DMD: variants seen among roughly 807,000 people sequenced by gnomAD.
DMD encodes the protein dystrophin, also known as mutant dystrophin.
Under a neutral mutation model 330.1 loss-of-function variants are expected in DMD, and 63 were observed. The observed-to-expected ratio is 0.19, with a 90% CI of 0.16 to 0.24. DMD has a LOEUF of 0.24. Among genes scored for constraint, DMD ranks in the 10% least tolerant of loss-of-function variants. DMD has a pLI of 1.00. For missense variants in DMD, 3,344 were observed against 2,684.1 expected (o/e 1.25, Z -5.43); for synonymous variants, 1,223 against 959.8 (o/e 1.27, Z -5.07).
chrX:32,907,270 A>G (rs2149322427), intron 2 of DMD, among the ~76,000 whole-genome samples: 1 of 112,473 alleles, frequency 8.9e-6, no homozygotes, highest in East Asian at 2.8e-4. Flanking sequence ...TGGTATTCAC[A>G]TAACTGCTTT....
At chrX:31,288,868 A>G (rs978197922) in intron 62 of DMD, among the ~76,000 whole-genome samples, 3 of 112,218 alleles carry the variant, frequency 2.7e-5, no homozygotes, top group Non-Finnish European at 5.6e-5. Flanking sequence ...ATGATTTTCA[A>G]TAAATGAATA....
chrX:32,676,094 AG>A (rs2061949443), intron 9 of DMD, among the ~76,000 whole-genome samples: 1 of 111,779 alleles, frequency 8.9e-6, no homozygotes, highest in African/African-American at 3.2e-5. Flanking sequence ...TTTAGTTGAC[AG>A]AGTTAAAAAT....
At chrX:31,372,831 G>T (rs910188919) in intron 60 of DMD, among the ~76,000 whole-genome samples, 10 of 111,053 alleles carry the variant, frequency 9.0e-5, no homozygotes, top group African/African-American at 3.3e-4. Flanking sequence ...AGGGCAATCA[G>T]GCAGGAGAAG....
At chrX:31,351,533 C>T (rs1388994458) in intron 60 of DMD, among the ~76,000 whole-genome samples, 1 of 109,200 alleles carries the variant, frequency 9.2e-6, no homozygotes, top group Non-Finnish European at 1.9e-5. Context: ...CGAGACCGGT[C>T]TGGCCAACAT....
At chrX:31,325,826 C>T (rs1181359312) in intron 61 of DMD, among the ~76,000 whole-genome samples, 3 of 111,517 alleles carry the variant, frequency 2.7e-5, no homozygotes, top group Non-Finnish European at 5.7e-5. Context: ...AGCTCTTGGT[C>T]CAGCCCTCAC....
At chrX:33,211,247 A>T (rs2148863856) in intron 1 of DMD, 35 bp downstream of exon 1, 1 of 1,199,194 alleles carries the variant, frequency 8.3e-7, no homozygotes, top group East Asian at 3.0e-5. Context: ...ACGTTATGCC[A>T]CAGTAAAATA....
chrX:31,627,964 A>G, intron 54 of DMD, 102 bp from the exon 55 acceptor site: 3 of 770,299 alleles, frequency 3.9e-6, no homozygotes, highest in South Asian at 4.5e-5. Context: ...ATTGTAATAT[A>G]CCAACAATGG....
intron 45 of DMD, among the ~76,000 whole-genome samples, chrX:31,947,967 A>G (rs933519705): frequency 6.3e-5 from 7 of 111,162 alleles, no homozygotes; most frequent in African/African-American, 2.3e-4. Flanking sequence ...GCAGATCTTT[A>G]GAACTTATTT....
At chrX:33,128,497 C>T in intron 1 of DMD, 1 of 835,175 alleles carries the variant, frequency 1.2e-6, no homozygotes, top group Non-Finnish European at 1.5e-6. Context: ...GATTACGTTC[C>T]CTTCTAATCA....
At chrX:32,673,035 GTGTGTA>G (rs1000025345) in intron 9 of DMD, among the ~76,000 whole-genome samples, 5 of 111,451 alleles carry the variant, frequency 4.5e-5, no homozygotes, top group Non-Finnish European at 9.4e-5. Context: ...TTCTGTATGT[GTGTGTA>G]TGTGTATGTG....
intron 20 of DMD, among the ~76,000 whole-genome samples, chrX:32,486,408 G>T (rs185291807): frequency 9.0e-6 from 1 of 111,262 alleles, no homozygotes; most frequent in East Asian, 2.8e-4. Context: ...ATAGTTTCTA[G>T]ACCATTTTAA....
Position 31,548,526 on chromosome X carries a change from T to A in DMD, c.8218-41073A>T, listed in dbSNP as rs1054290290. The stretch of plus-strand genomic sequence containing the variant: ...TCCCTCACCTCAGGTCCCACTGAAG[T>A]CATTTTGGAAATTATGTAGCTTTTT... On this transcript the variant is annotated intron_variant, in intron 55 of 78. Transcript: ENST00000357033. 9.1e-6 allele frequency among the ~76,000 whole-genome samples: 1 copy of A among 110,372 alleles called. No individual in the cohort carries two copies. The highest frequency in any genetic ancestry group is 9.7e-5 in the Admixed American group (1 of 10,265).
chrX:31,941,779 C>T (rs1439672314), intron 45 of DMD, among the ~76,000 whole-genome samples: 1 of 111,512 alleles, frequency 9.0e-6, no homozygotes, highest in African/African-American at 3.3e-5. Flanking sequence ...TAGCTTCTAA[C>T]TATCTTCGGT....
At position 32,365,218 on chromosome X, in the gene DMD, T is replaced by C. The variant is rs754446545; in HGVS notation, c.4846-19A>G. ...GAGTAGCCTGTGAAAAGGAGAGCAT[T>C]GACCTTCAAGTAATGTCTTGTAGTC... is the stretch of plus-strand genomic sequence containing the variant. On this transcript the variant is annotated intron_variant, in intron 34 of 78. Coordinates refer to ENST00000357033, the MANE Select transcript of DMD (RefSeq NM_004006.3). 1 of 1,205,687 alleles carries C rather than the reference T, an allele frequency of 8.3e-7. No homozygotes were observed. Among genetic ancestry groups the C allele is most frequent in the Non-Finnish European group, 1.1e-6 (1 of 890,645 alleles).
rs1196875263 is a variant in DMD at position 31,859,808 on chromosome X, T to G, written c.7098+15380A>C. On this transcript the variant is annotated intron_variant, in intron 48 of 78. Coordinates refer to ENST00000357033, the MANE Select transcript of DMD (RefSeq NM_004006.3). ...GCAAATTGCAAGTGCAGAGCATGTC[T>G]GAATGTATCTGAAATCCCAACGTGT... 2.7e-5 allele frequency among the ~76,000 whole-genome samples: 3 copies of G among 112,494 alleles called. No individual in the cohort carries two copies. The South Asian group carries it at 1.1e-3, about 41-fold the overall frequency.
At chrX:31,864,485 CTTTT>C (rs201374257) in intron 48 of DMD, among the ~76,000 whole-genome samples, 4 of 54,349 alleles carry the variant, frequency 7.4e-5, no homozygotes, top group African/African-American at 9.6e-5. Context: ...TTTTGAAGGC[CTTTT>C]TTTTTTTTTT....
At position 31,605,564 on chromosome X, in the gene DMD, CA is replaced by C. The variant is rs765610536; in HGVS notation, c.8217+22108del. Among the ~76,000 whole-genome samples the C allele has an allele frequency of 1.1e-4, 12 of 111,030 alleles. 1 individual carries two copies. In the South Asian group the frequency reaches 4.2e-3, roughly 39 times the overall value. On this transcript the variant is annotated intron_variant, in intron 55 of 78. Coordinates refer to ENST00000357033, the MANE Select transcript of DMD (RefSeq NM_004006.3). ...ATGAATGGATGATAATTTGTGGGCA[CA>C]AAAAAGAATAATTTGCTAAGCTTTA...
chrX:32,846,781 G>A (rs2148996235), intron 3 of DMD, among the ~76,000 whole-genome samples: 1 of 104,126 alleles, frequency 9.6e-6, no homozygotes, highest in South Asian at 4.6e-4. Context: ...GCTGAGGCAG[G>A]TGGCTCATTG....
intron 2 of DMD, among the ~76,000 whole-genome samples, chrX:32,900,902 T>A (rs1281988262): frequency 2.7e-5 from 3 of 111,308 alleles, no homozygotes; most frequent in Non-Finnish European, 5.6e-5. Flanking sequence ...GTAAATATTG[T>A]ATTATTATTT....
Sources: allele counts gnomAD v4.1 joint callset (sites outside exome capture counted in the v4.1 genomes callset), GRCh38; gene constraint gnomAD v4.1.1; transcripts MANE v1.5; gene names NCBI Gene and HGNC (gene_info 2026-07-23, HGNC 2026-07-21).